COL22A1: variants seen among roughly 807,000 people sequenced by gnomAD.
The protein encoded by COL22A1 is collagen type XXII alpha 1 chain.
Under a neutral mutation model 248.9 loss-of-function variants are expected in COL22A1, and 221 were observed. The observed-to-expected ratio is 0.89, with a 90% confidence interval of 0.80 to 0.99. The LOEUF is 0.99. Ranked by LOEUF, COL22A1 falls within the 50% of genes least tolerant of loss-of-function variation. The probability of loss-of-function intolerance (pLI) is 0.00; values close to 1 mark genes in which losing one functional copy is unlikely to be tolerated. For missense variants in COL22A1, 2,240 were observed against 2,179.0 expected (o/e 1.03, Z -0.56); for synonymous variants, 891 against 793.4 (o/e 1.12, Z -2.07).
In COL22A1 at chr8:138,722,177, T is replaced by C. The variant is rs955925952; in HGVS notation, c.2248-88A>G. ...AGTTGTTTCAAACCAGGAGCTGTTTTTGCAGCCAGAATGCAGGAGGCTCGG... is the reference window on the plus strand; with the variant it reads ...AGTTGTTTCAAACCAGGAGCTGTTTCTGCAGCCAGAATGCAGGAGGCTCGG... On this transcript the variant is annotated intron_variant, in intron 25 of 64. Transcript: ENST00000303045. The C allele has an allele frequency of 3.4e-6, 4 of 1,187,206 alleles. 1 individual carries two copies. The South Asian group carries it at 4.6e-5, about 14-fold the overall frequency. The allele number at this position is 1,187,206 out of a possible 1,614,324, so 73.5% of individuals were successfully genotyped here.
chr8:138,714,551 CCTTGTCCTTT>C (rs1425292811), intron 30 of COL22A1, among the ~76,000 whole-genome samples: 5 of 152,190 alleles, frequency 3.3e-5, no homozygotes, highest in African/African-American at 1.2e-4. Flanking sequence ...AGCTCCCTCC[CCTTGTCCTTT>C]CCCACTCTTG....
intron 23 of COL22A1, among the ~76,000 whole-genome samples, chr8:138,725,769 AC>A (rs1830258653): frequency 7.2e-6 from 1 of 138,332 alleles, no homozygotes; most frequent in Non-Finnish European, 1.5e-5. Flanking sequence ...ACACACACAC[AC>A]ACACACACAC....
intron 41 of COL22A1, among the ~76,000 whole-genome samples, chr8:138,665,488 C>T (rs966259811): frequency 3.3e-5 from 5 of 152,254 alleles, no homozygotes; most frequent in Non-Finnish European, 7.3e-5. Flanking sequence ...AGAACTCACC[C>T]TCAGGGCCCT....
In COL22A1 at chr8:138,883,071, G is replaced by C. The variant is rs747068781; in HGVS notation, c.91+11C>G. 3.8e-6 allele frequency: 6 copies of C among 1,569,488 alleles called. No homozygotes were observed. The highest frequency in any genetic ancestry group is 3.7e-5 in the Admixed American group (2 of 54,202). Reference sequence around the variant, plus strand: ...CCCAGCACAGCATGGCACAGCCCACGGTGGCCCCACCTGCCCGCTGAGCCT... The same window carrying C: ...CCCAGCACAGCATGGCACAGCCCACCGTGGCCCCACCTGCCCGCTGAGCCT... On this transcript the variant is annotated intron_variant, in intron 2 of 64. Transcript: ENST00000303045.
chr8:138,752,028 C>A (rs1167638515), intron 21 of COL22A1, among the ~76,000 whole-genome samples: 1 of 152,204 alleles, frequency 6.6e-6, no homozygotes, highest in Non-Finnish European at 1.5e-5. Flanking sequence ...TGACCTCATT[C>A]GAATCCTGCC....
At chr8:138,672,315 C>T (rs1825102961) in intron 41 of COL22A1, among the ~76,000 whole-genome samples, 1 of 152,192 alleles carries the variant, frequency 6.6e-6, no homozygotes, top group Admixed American at 6.5e-5. Flanking sequence ...GAGGCCTTTG[C>T]TCACTCTTGT....
chr8:138,805,280 G>A (rs111069503), intron 10 of COL22A1, among the ~76,000 whole-genome samples: 49,414 of 145,094 alleles, frequency 0.34, 9,491 homozygotes, highest in African/African-American at 0.54. Context: ...GTGTGTGTGT[G>A]ATGGTGTGTG....
At chr8:138,838,101 G>A (rs967229143) in intron 4 of COL22A1, among the ~76,000 whole-genome samples, 3 of 151,126 alleles carry the variant, frequency 2.0e-5, no homozygotes, top group Non-Finnish European at 3.0e-5. Flanking sequence ...CACCGCAGCC[G>A]GCCACACCTG....
intron 41 of COL22A1, among the ~76,000 whole-genome samples, chr8:138,665,242 A>G (rs761835005): frequency 4.6e-5 from 7 of 152,256 alleles, no homozygotes; most frequent in Non-Finnish European, 7.3e-5. Context: ...GGAGGGGAGC[A>G]GGACTCTGAT....
intron 4 of COL22A1, among the ~76,000 whole-genome samples, chr8:138,841,933 A>C (rs1820913483): frequency 6.6e-6 from 1 of 152,210 alleles, no homozygotes; most frequent in Non-Finnish European, 1.5e-5. Flanking sequence ...TGGCAGGAAA[A>C]GAGAGTAACT....
At chr8:138,604,799 C>T (rs1490770910) in intron 58 of COL22A1, 30 bp from the exon 59 acceptor site, 1 of 1,583,604 alleles carries the variant, frequency 6.3e-7, no homozygotes, top group Admixed American at 1.7e-5. Context: ...ATCAGTGGCT[C>T]TGCAGCATCA....
At chr8:138,795,282 G>A (rs1039953409) in intron 12 of COL22A1, among the ~76,000 whole-genome samples, 8 of 152,098 alleles carry the variant, frequency 5.3e-5, no homozygotes, top group Admixed American at 3.3e-4. Flanking sequence ...CTGCCTGGTC[G>A]TACCACTTAA....
intron 37 of COL22A1, among the ~76,000 whole-genome samples, chr8:138,686,025 C>T (rs889231782): frequency 6.6e-6 from 1 of 152,168 alleles, no homozygotes; most frequent in Non-Finnish European, 1.5e-5. Flanking sequence ...CCACACTGGG[C>T]ATTCCTTTGT....
intron 7 of COL22A1, among the ~76,000 whole-genome samples, chr8:138,813,495 G>A (rs993548941): frequency 9.2e-5 from 14 of 152,124 alleles, no homozygotes; most frequent in East Asian, 1.9e-4. Context: ...ATATGGAACC[G>A]TGAGTCAATT....
At chr8:138,625,511 G>T (rs137914249) in intron 51 of COL22A1, among the ~76,000 whole-genome samples, 2 of 152,126 alleles carry the variant, frequency 1.3e-5, no homozygotes, top group African/African-American at 4.8e-5. Context: ...TGAACAGCTC[G>T]ACTCTAATGA....
chr8:138,897,715 C>T (rs1814225738), intron 1 of COL22A1, among the ~76,000 whole-genome samples: 1 of 151,954 alleles, frequency 6.6e-6, no homozygotes, highest in Admixed American at 6.6e-5. Context: ...GAATGATTTC[C>T]CTTTCACACA....
chr8:138,787,943 A>T (rs116064243), intron 12 of COL22A1, among the ~76,000 whole-genome samples: 4,205 of 152,294 alleles, frequency 0.028, 123 homozygotes, highest in African/African-American at 0.066. Flanking sequence ...GAAAGGAGAG[A>T]GCAAATATTT....
intron 30 of COL22A1, among the ~76,000 whole-genome samples, chr8:138,714,214 G>T (rs1236346381): frequency 3.3e-5 from 5 of 152,146 alleles, no homozygotes; most frequent in Non-Finnish European, 1.5e-5. Flanking sequence ...TCCCACCCGT[G>T]GTTCTGTAGG....
intron 5 of COL22A1, among the ~76,000 whole-genome samples, chr8:138,832,259 T>C (rs778065632): frequency 4.6e-5 from 7 of 151,888 alleles, no homozygotes; most frequent in Non-Finnish European, 1.0e-4. Flanking sequence ...GTCTCTGGAG[T>C]GGCCATTCTT....
Sources: allele counts gnomAD v4.1 joint callset (sites outside exome capture counted in the v4.1 genomes callset), GRCh38; gene constraint gnomAD v4.1.1; transcripts MANE v1.5; gene names NCBI Gene and HGNC (gene_info 2026-07-23, HGNC 2026-07-21).